CRYBG3: variants seen among roughly 807,000 people sequenced by gnomAD.
CRYBG3 encodes the protein crystallin beta-gamma domain containing 3.
A neutral mutation model predicts 244.2 loss-of-function variants in CRYBG3; 127 were observed. The observed-to-expected ratio is 0.52, with a 90% CI of 0.45 to 0.60. The LOEUF is 0.60. Ranked by LOEUF, CRYBG3 falls within the 20% of genes least tolerant of loss-of-function variation. CRYBG3 has a pLI of 0.00. For missense variants in CRYBG3, 3,325 were observed against 3,442.5 expected (o/e 0.97, Z 0.85); for synonymous variants, 1,132 against 1,195.8 (o/e 0.95, Z 1.10).
At chr3:97,888,270 G>T in intron 8 of CRYBG3, 71 bp from the exon 9 acceptor site, 2 of 880,030 alleles carry the variant, frequency 2.3e-6, no homozygotes, top group Non-Finnish European at 3.6e-6. Context: ...TATTTTGGTA[G>T]CCCTTTTTAC....
At chr3:97,939,786 A>C (rs1401706770) in intron 19 of CRYBG3, among the ~76,000 whole-genome samples, 2 of 152,056 alleles carry the variant, frequency 1.3e-5, no homozygotes, top group Non-Finnish European at 2.9e-5. Context: ...TAATGTTGGA[A>C]GTAGGGATTT....
intron 15 of CRYBG3, among the ~76,000 whole-genome samples, chr3:97,902,714 C>A (rs2039719980): frequency 6.6e-6 from 1 of 152,030 alleles, no homozygotes; most frequent in African/African-American, 2.4e-5. Flanking sequence ...GAGAACACCA[C>A]CTTTTATTGA....
At position 97,899,249 on chromosome 3, in the gene CRYBG3, C is replaced by G; in HGVS notation, c.7957C>G (p.Arg2653Gly). The G allele has an allele frequency of 6.2e-7, 1 of 1,612,082 alleles. No homozygotes were observed. The highest frequency in any genetic ancestry group is 8.5e-7 in the Non-Finnish European group (1 of 1,179,342). Residue 2653 changes from arginine (R) to glycine (G), a missense_variant, in exon 14 of 22, where the codon CGG (arginine) becomes GGG (glycine). Transcript: ENST00000389622. ...ATCAAATAATATAATCATGTCGATACGGCCAATCCAACTGGTGAGTGAAGT... is the reference window on the plus strand; with the variant it reads ...ATCAAATAATATAATCATGTCGATAGGGCCAATCCAACTGGTGAGTGAAGT... The part of the protein sequence containing the change: ...GGSNNIIMSI[R>G]PIQLEPLGIN...
chr3:97,933,882 A>C (rs2040126952), intron 18 of CRYBG3, 49 bp downstream of exon 18: 1 of 1,521,648 alleles, frequency 6.6e-7, no homozygotes, highest in African/African-American at 1.4e-5. Context: ...GTTTTAAGAC[A>C]GAGTTGCAGA....
At chr3:97,911,305 ATGT>A (rs1334196770) in intron 15 of CRYBG3, among the ~76,000 whole-genome samples, 1 of 152,132 alleles carries the variant, frequency 6.6e-6, no homozygotes, top group East Asian at 1.9e-4. Flanking sequence ...CCTGTGGGCC[ATGT>A]TGTTCCAAGT....
chr3:97,876,695 G>A lies in CRYBG3; in HGVS notation c.5501G>A (p.Gly1834Glu). The A allele has an allele frequency of 8.0e-7, 1 of 1,244,156 alleles. No homozygotes were observed. Among genetic ancestry groups the A allele is most frequent in the Non-Finnish European group, 1.0e-6 (1 of 995,620 alleles). The allele number at this position is 1,244,156 out of a possible 1,614,324, so 77.1% of individuals were successfully genotyped here. A position where few individuals can be genotyped will look rare whatever the true frequency, so the allele number is the denominator to read the frequency against. Residue 1834 changes from glycine to glutamate, a missense_variant, in exon 4 of 22, where the codon GGA (glycine) becomes GAA (glutamate). Gly to Glu is a moderately conservative substitution (Grantham distance 98). This residue lies in a region of CRYBG3 where 635 missense variants were observed against 771.7 expected (regional missense o/e 0.82). Coordinates refer to ENST00000389622, the MANE Select transcript of CRYBG3 (RefSeq NM_153605.4). ...ACKRDVKETIGATVSTPSVIE... is the reference protein window; with the variant it reads ...ACKRDVKETIEATVSTPSVIE... The stretch of plus-strand genomic sequence containing the variant: ...AAGAGAGATGTTAAAGAGACTATTG[G>A]AGCAACTGTGTCCACACCCTCTGTG...
chr3:97,904,987 T>C (rs894565631), intron 15 of CRYBG3, among the ~76,000 whole-genome samples: 7 of 150,308 alleles, frequency 4.7e-5, no homozygotes, highest in African/African-American at 1.7e-4. Flanking sequence ...GAATATGCGG[T>C]GTTTGGTTTT....
chr3:97,919,896 G>C (rs1017099680), intron 17 of CRYBG3, among the ~76,000 whole-genome samples: 1 of 152,048 alleles, frequency 6.6e-6, no homozygotes, highest in Non-Finnish European at 1.5e-5. Flanking sequence ...CTCCGAAGTA[G>C]CTGGGACTAC....
intron 2 of CRYBG3, among the ~76,000 whole-genome samples, chr3:97,859,486 G>A (rs1206271942): frequency 6.6e-6 from 1 of 152,210 alleles, no homozygotes; most frequent in African/African-American, 2.4e-5. Context: ...TACCATGAAA[G>A]CCAGGATTTT....
chr3:97,916,806 C>G (rs931005436), intron 17 of CRYBG3, among the ~76,000 whole-genome samples: 18 of 152,004 alleles, frequency 1.2e-4, no homozygotes, highest in African/African-American at 4.3e-4. Flanking sequence ...TGTTCTTGGT[C>G]TCTCTCAGTG....
intron 2 of CRYBG3, among the ~76,000 whole-genome samples, chr3:97,863,152 T>A (rs940765439): frequency 6.6e-6 from 1 of 152,134 alleles, no homozygotes; most frequent in Admixed American, 6.6e-5. Flanking sequence ...GGTGTCCTGA[T>A]TGTTTTCTGA....
At chr3:97,940,124 G>A (rs1306104196) in intron 19 of CRYBG3, among the ~76,000 whole-genome samples, 2 of 152,020 alleles carry the variant, frequency 1.3e-5, no homozygotes, top group Admixed American at 1.3e-4. Flanking sequence ...GGGATGTTGG[G>A]TGTCATGTTG....
At chr3:97,900,721 A>C (rs1295963320) in intron 15 of CRYBG3, among the ~76,000 whole-genome samples, 1 of 152,172 alleles carries the variant, frequency 6.6e-6, no homozygotes, top group African/African-American at 2.4e-5. Context: ...AGCTCTGACC[A>C]CTTTAGGGTC....
At chr3:97,847,763 C>T (rs1043866597) in intron 2 of CRYBG3, among the ~76,000 whole-genome samples, 10 of 152,140 alleles carry the variant, frequency 6.6e-5, no homozygotes, top group Non-Finnish European at 1.0e-4. Context: ...AGAAATGCTG[C>T]TCATGACTAA....
chr3:97,875,677 A>G lies in CRYBG3; in HGVS notation c.4483A>G (p.Ser1495Gly). The G allele has an allele frequency of 8.1e-7, 1 of 1,233,276 alleles. No individual in the cohort carries two copies. Among genetic ancestry groups the G allele is most frequent in the Non-Finnish European group, 1.0e-6 (1 of 988,914 alleles). 76.4% of individuals were successfully genotyped at this position (1,233,276 alleles called of 1,614,324 possible). ...CCATGCACCTGGTACATCTAAAAGC[A>G]GTTTGTCTGATAGCCTTGTATGTAT... is the stretch of plus-strand genomic sequence containing the variant. ...DIHAPGTSKS[S>G]LSDSLVCISE... Residue 1495 changes from serine to glycine, a missense_variant, in exon 4 of 22, where the codon AGT (serine) becomes GGT (glycine). This residue lies in a region of CRYBG3 where 635 missense variants were observed against 771.7 expected (regional missense o/e 0.82). Coordinates refer to ENST00000389622, the MANE Select transcript of CRYBG3 (RefSeq NM_153605.4).
chr3:97,941,427 T>C (rs2040229147), intron 20 of CRYBG3, 121 bp downstream of exon 20: 1 of 645,758 alleles, frequency 1.5e-6, no homozygotes, highest in African/African-American at 1.8e-5. Context: ...CAGGTGTTGA[T>C]TATAAAAATA....
chr3:97,837,959 C>T (rs2038757689), intron 1 of CRYBG3, among the ~76,000 whole-genome samples: 4 of 152,042 alleles, frequency 2.6e-5, no homozygotes, highest in Non-Finnish European at 1.5e-5. Context: ...GGGAGGAGAG[C>T]TTTACTCTCC....
intron 1 of CRYBG3, chr3:97,840,532 G>C (rs2038797147): frequency 6.6e-6 from 1 of 152,012 alleles, no homozygotes; most frequent in Non-Finnish European, 1.5e-5. Context: ...TCTGGAATTT[G>C]TGTGTGTGTT....
chr3:97,890,387 G>A (rs2039562260), intron 10 of CRYBG3, among the ~76,000 whole-genome samples: 1 of 152,150 alleles, frequency 6.6e-6, no homozygotes, highest in African/African-American at 2.4e-5. Flanking sequence ...CAGTCTCCTA[G>A]TCTGGTCAAT....
Sources: gnomAD v4.1 joint callset for allele counts (sites outside exome capture counted in the v4.1 genomes callset) on GRCh38, gnomAD v4.1.1 for gene constraint, gnomAD v4.1.1 regional missense constraint, MANE v1.5 for transcripts, NCBI Gene and HGNC (gene_info 2026-07-23, HGNC 2026-07-21) for gene names.